Variants in TAFA5 observed in about 807,000 individuals in gnomAD.
TAFA5 encodes TAFA chemokine like family member 5, also known as chemokine-like protein TAFA-5.
Under a neutral mutation model 15.3 loss-of-function variants are expected in TAFA5, and 6 were observed. The ratio of observed to expected loss-of-function variants is 0.39; its 90% CI spans 0.21 to 0.77. TAFA5 has a LOEUF of 0.77. Ranked by LOEUF, TAFA5 falls within the 30% of genes least tolerant of loss-of-function variation. The pLI, the probability that TAFA5 is intolerant of heterozygous loss-of-function variation, is 0.41. For missense variants in TAFA5, 161 were observed against 193.1 expected, an observed-to-expected ratio of 0.83 and a Z score of 0.98; for synonymous variants, 103 against 80.7, an observed-to-expected ratio of 1.28 and a Z score of -1.48.
chr22:48,620,093 C>G (rs747104240), intron 1 of TAFA5, among the ~76,000 whole-genome samples: 3 of 152,128 alleles, frequency 2.0e-5, no homozygotes, highest in African/African-American at 7.2e-5. Flanking sequence ...AGGAAGGACC[C>G]GGGGCCCTGC....
intron 1 of TAFA5, among the ~76,000 whole-genome samples, chr22:48,497,446 G>A (rs1341077971): frequency 1.3e-5 from 2 of 151,972 alleles, no homozygotes; most frequent in African/African-American, 4.8e-5. Flanking sequence ...TGAAAGACAA[G>A]ACTGGAGTGT....
At chr22:48,536,994 C>T (rs1183043010) in intron 1 of TAFA5, among the ~76,000 whole-genome samples, 2 of 152,184 alleles carry the variant, frequency 1.3e-5, no homozygotes, top group South Asian at 2.1e-4. Flanking sequence ...TCCCTCTGGA[C>T]GTGGCTGGCC....
At chr22:48,631,804 G>A (rs1215809946) in intron 1 of TAFA5, among the ~76,000 whole-genome samples, 1 of 152,156 alleles carries the variant, frequency 6.6e-6, no homozygotes, top group Admixed American at 6.5e-5. Context: ...GGTCTGCGTG[G>A]CCGTGTGGGA....
chr22:48,740,254 G>A (rs1016830383), intron 3 of TAFA5, among the ~76,000 whole-genome samples: 1 of 152,198 alleles, frequency 6.6e-6, no homozygotes, highest in African/African-American at 2.4e-5. Flanking sequence ...TGGCCTCCCT[G>A]GCTGGGAGGA....
chr22:48,748,318 C>T (rs910948221), intron 3 of TAFA5, among the ~76,000 whole-genome samples: 3 of 152,234 alleles, frequency 2.0e-5, no homozygotes, highest in Admixed American at 2.0e-4. Context: ...AGGCCTTGGC[C>T]TTGGACTGTG....
At chr22:48,738,012 G>A (rs774243717) in intron 3 of TAFA5, among the ~76,000 whole-genome samples, 145 of 152,262 alleles carry the variant, frequency 9.5e-4, no homozygotes, top group Admixed American at 2.6e-3. Flanking sequence ...CTCCTTTGGA[G>A]GACATGAGGG....
intron 1 of TAFA5, among the ~76,000 whole-genome samples, chr22:48,521,093 G>A (rs1342945563): frequency 2.0e-5 from 3 of 152,198 alleles, no homozygotes; most frequent in Non-Finnish European, 1.5e-5. Flanking sequence ...CACCACGGCC[G>A]TAACCGTGCA....
intron 1 of TAFA5, among the ~76,000 whole-genome samples, chr22:48,534,132 G>C (rs922184581): frequency 6.6e-6 from 1 of 151,814 alleles, no homozygotes; most frequent in African/African-American, 2.4e-5. Flanking sequence ...AGGGGTGACA[G>C]GCAGGTGAGG....
intron 1 of TAFA5, among the ~76,000 whole-genome samples, chr22:48,524,782 A>T (rs1921723300): frequency 6.6e-6 from 1 of 152,230 alleles, no homozygotes; most frequent in South Asian, 2.1e-4. Context: ...TTTACTCTGC[A>T]CCAGGAGTGG....
At chr22:48,556,748 C>T (rs1348950258) in intron 1 of TAFA5, among the ~76,000 whole-genome samples, 1 of 152,334 alleles carries the variant, frequency 6.6e-6, no homozygotes, top group East Asian at 1.9e-4. Context: ...CCCCTCGAGG[C>T]TGTTCTCAGG....
chr22:48,726,452 C>T (rs955271201), intron 3 of TAFA5, among the ~76,000 whole-genome samples: 5 of 151,478 alleles, frequency 3.3e-5, no homozygotes, highest in Admixed American at 1.3e-4. Context: ...GTAGTCTGGA[C>T]GGGAGAATCA....
intron 2 of TAFA5, among the ~76,000 whole-genome samples, chr22:48,698,991 G>C (rs949771379): frequency 1.3e-4 from 20 of 150,590 alleles, no homozygotes; most frequent in Non-Finnish European, 2.7e-4. Context: ...CCCCAGGCTG[G>C]AGTGCAGTGG....
intron 3 of TAFA5, among the ~76,000 whole-genome samples, chr22:48,744,698 G>A (rs1324778269): frequency 2.6e-5 from 4 of 152,178 alleles, no homozygotes; most frequent in African/African-American, 4.8e-5. Context: ...GCACCTTTAC[G>A]AACATCTTTT....
At chr22:48,705,688 C>A (rs1251121525) in intron 2 of TAFA5, among the ~76,000 whole-genome samples, 1 of 152,240 alleles carries the variant, frequency 6.6e-6, no homozygotes. Flanking sequence ...GTTGTCCAAG[C>A]GGTGGCCCTC....
At chr22:48,562,967 C>G (rs1052282160) in intron 1 of TAFA5, among the ~76,000 whole-genome samples, 2 of 152,232 alleles carry the variant, frequency 1.3e-5, no homozygotes, top group African/African-American at 4.8e-5. Flanking sequence ...GCACTGGAGG[C>G]CCTGGCGGAG....
At chr22:48,673,064 C>T (rs1415409532) in intron 2 of TAFA5, among the ~76,000 whole-genome samples, 1 of 152,196 alleles carries the variant, frequency 6.6e-6, no homozygotes, top group Non-Finnish European at 1.5e-5. Flanking sequence ...TCCAAATCTC[C>T]AGCTTCTTCT....
chr22:48,498,859 A>G (rs1198934379), intron 1 of TAFA5, among the ~76,000 whole-genome samples: 2 of 152,168 alleles, frequency 1.3e-5, no homozygotes, highest in African/African-American at 4.8e-5. Context: ...CAGCAAGCAC[A>G]CTTGTGCTGG....
intron 1 of TAFA5, among the ~76,000 whole-genome samples, chr22:48,562,222 C>T (rs1033367984): frequency 1.8e-4 from 27 of 152,168 alleles, no homozygotes; most frequent in Non-Finnish European, 1.9e-4. Context: ...ACTGCAAGCT[C>T]TGCCTCCCGG....
At chr22:48,520,155 C>T (rs1211314809) in intron 1 of TAFA5, among the ~76,000 whole-genome samples, 1 of 152,228 alleles carries the variant, frequency 6.6e-6, no homozygotes. Context: ...CTGGAGGCCA[C>T]ATGTTTCCCC....
Sources: allele counts gnomAD v4.1 joint callset (sites outside exome capture counted in the v4.1 genomes callset), GRCh38; gene constraint gnomAD v4.1.1; transcripts MANE v1.5; gene names NCBI Gene and HGNC (gene_info 2026-07-23, HGNC 2026-07-21).